The following GRIP1 variants were observed in gnomAD, a reference collection of about 807,000 sequenced individuals.
GRIP1 encodes the protein glutamate receptor interacting protein 1, also known as glutamate receptor-interacting protein 1.
Under a neutral mutation model 129.9 loss-of-function variants are expected in GRIP1, and 45 were observed. That is an observed-to-expected ratio of 0.35 (90% CI 0.27 to 0.44). The LOEUF (loss-of-function observed/expected upper bound fraction) is 0.44. GRIP1 is among the 20% of genes least tolerant of loss of function. The pLI is 1.00. For synonymous variants in GRIP1, 530 were observed against 520.8 expected, an observed-to-expected ratio of 1.02 and a Z score of -0.24; for missense variants, 1,196 against 1,396.8, an observed-to-expected ratio of 0.86 and a Z score of 2.29.
intron 1 of GRIP1, among the ~76,000 whole-genome samples, chr12:66,670,394 T>C (rs2034021129): frequency 6.6e-6 from 1 of 152,194 alleles, no homozygotes; most frequent in Admixed American, 6.5e-5. Context: ...TGATGTGGAC[T>C]GCCAAGGAGG....
intron 1 of GRIP1, among the ~76,000 whole-genome samples, chr12:66,875,439 C>T (rs1310063841): frequency 6.6e-6 from 1 of 152,072 alleles, no homozygotes; most frequent in African/African-American, 2.4e-5. Context: ...TACATAGCTG[C>T]AAAATCCCAT....
chr12:66,725,008 T>C (rs1371826723), intron 1 of GRIP1, among the ~76,000 whole-genome samples: 1 of 152,058 alleles, frequency 6.6e-6, no homozygotes, highest in Admixed American at 6.6e-5. Context: ...AAAATAGAAG[T>C]AGGCCAGGCA....
At chr12:66,581,727 G>A (rs1395364826) in intron 2 of GRIP1, among the ~76,000 whole-genome samples, 1 of 152,094 alleles carries the variant, frequency 6.6e-6, no homozygotes, top group South Asian at 2.1e-4. Flanking sequence ...TCTCTGAATA[G>A]ACCAATAACA....
chr12:66,849,265 T>A (rs1330959407), intron 1 of GRIP1, among the ~76,000 whole-genome samples: 1 of 152,036 alleles, frequency 6.6e-6, no homozygotes, highest in African/African-American at 2.4e-5. Flanking sequence ...ATTTCTTCCA[T>A]CTCCTACAAG....
intron 1 of GRIP1, among the ~76,000 whole-genome samples, chr12:66,797,339 C>A (rs771623354): frequency 6.6e-6 from 1 of 152,132 alleles, no homozygotes; most frequent in Non-Finnish European, 1.5e-5. Context: ...CTAGCTATCC[C>A]CTTCTTCCAG....
chr12:66,889,438 G>C (rs2040620327), intron 1 of GRIP1, among the ~76,000 whole-genome samples: 1 of 152,168 alleles, frequency 6.6e-6, no homozygotes, highest in Non-Finnish European at 1.5e-5. Flanking sequence ...TCCAGCCTGG[G>C]CAACAAGAGT....
chr12:67,014,158 C>T (rs547945228), intron 1 of GRIP1, among the ~76,000 whole-genome samples: 6 of 152,136 alleles, frequency 3.9e-5, no homozygotes, highest in Non-Finnish European at 7.4e-5. Context: ...TTTTCATTTA[C>T]GTAAGCCAAT....
intron 1 of GRIP1, among the ~76,000 whole-genome samples, chr12:67,030,237 A>G (rs1233853419): frequency 6.6e-6 from 1 of 150,552 alleles, no homozygotes; most frequent in Non-Finnish European, 1.5e-5. Context: ...AATAATAATA[A>G]TATTGAAAAA....
chr12:66,466,181 G>A (rs1157195033), intron 7 of GRIP1, among the ~76,000 whole-genome samples: 2 of 152,288 alleles, frequency 1.3e-5, no homozygotes, highest in South Asian at 2.1e-4. Flanking sequence ...TTGTAATTTG[G>A]TAAGATGCTT....
chr12:66,694,419 A>C (rs2136325632), intron 1 of GRIP1, among the ~76,000 whole-genome samples: 1 of 152,320 alleles, frequency 6.6e-6, no homozygotes. Flanking sequence ...CTCTTCCCCA[A>C]GGAGATTTCA....
intron 1 of GRIP1, among the ~76,000 whole-genome samples, chr12:66,989,798 G>A (rs1314892702): frequency 3.3e-5 from 5 of 152,052 alleles, no homozygotes; most frequent in East Asian, 3.9e-4. Flanking sequence ...TCTGGCTGAC[G>A]GCACCAAAAC....
intron 1 of GRIP1, among the ~76,000 whole-genome samples, chr12:66,852,970 A>G (rs12306322): frequency 0.16 from 23,559 of 151,852 alleles, 1,995 homozygotes; most frequent in East Asian, 0.37. Flanking sequence ...TATTGCAAGC[A>G]TAAGAGTAAG....
chr12:66,930,666 T>C (rs760786409), intron 1 of GRIP1, among the ~76,000 whole-genome samples: 13 of 152,146 alleles, frequency 8.5e-5, no homozygotes, highest in Non-Finnish European at 1.3e-4. Context: ...TGCAAAAGAA[T>C]ATGTATGTTC....
intron 1 of GRIP1, among the ~76,000 whole-genome samples, chr12:66,979,400 AGTTTATATGG>A: frequency 6.6e-6 from 1 of 151,270 alleles, no homozygotes; most frequent in Non-Finnish European, 1.5e-5. Flanking sequence ...TGGCTTCCCT[AGTTTATATGG>A]TAATAGCCCA....
Position 67,023,681 on chromosome 12 carries a change from T to C in GRIP1, c.58+45369A>G, listed in dbSNP as rs533688161. ...CTGCTGGGATTTTATTGGGATTACA[T>C]TGAATCTATAGATTAAGCAGTGGAA... On this transcript the variant is annotated intron_variant, in intron 1 of 1. Transcript: ENST00000643019. Among the ~76,000 whole-genome samples the C allele has an allele frequency of 7.2e-5, 11 of 152,270 alleles. No homozygotes were observed. In the South Asian group the frequency reaches 1.2e-3, roughly 17 times the overall value.
intron 18 of GRIP1, 66 bp from the exon 19 acceptor site, chr12:66,392,568 CGTG>C: frequency 6.4e-7 from 1 of 1,567,336 alleles, no homozygotes. Context: ...CAAGATACTC[CGTG>C]GCTAGAGATT....
At chr12:67,016,503 A>C (rs1203091042) in intron 1 of GRIP1, among the ~76,000 whole-genome samples, 1 of 152,186 alleles carries the variant, frequency 6.6e-6, no homozygotes, top group Admixed American at 6.6e-5. Context: ...AAGATATGAA[A>C]ACAGACTCAA....
chr12:66,522,153 G>A (rs1024616131), intron 5 of GRIP1, among the ~76,000 whole-genome samples: 3 of 152,216 alleles, frequency 2.0e-5, no homozygotes, highest in African/African-American at 7.2e-5. Context: ...GAAGAGAGTA[G>A]TGGTTCTCCC....
At chr12:66,913,091 C>G (rs1401171208) in intron 1 of GRIP1, among the ~76,000 whole-genome samples, 2 of 152,216 alleles carry the variant, frequency 1.3e-5, no homozygotes, top group African/African-American at 4.8e-5. Flanking sequence ...GCCACAGCAT[C>G]TAGGGCAAAA....
Sources: gnomAD v4.1 joint callset for allele counts (sites outside exome capture counted in the v4.1 genomes callset) on GRCh38, gnomAD v4.1.1 for gene constraint, MANE v1.5 for transcripts, NCBI Gene and HGNC (gene_info 2026-07-23, HGNC 2026-07-21) for gene names.